The following BPNT2 variants were observed in gnomAD, a reference collection of about 807,000 sequenced individuals.
The protein encoded by BPNT2 is 3'(2'), 5'-bisphosphate nucleotidase 2.
A neutral mutation model predicts 29.3 loss-of-function variants in BPNT2; 11 were observed. The ratio of observed to expected loss-of-function variants is 0.38; its 90% CI spans 0.24 to 0.62. The LOEUF is 0.62. Ranked by LOEUF, BPNT2 falls within the 20% of genes least tolerant of loss-of-function variation. The probability of loss-of-function intolerance (pLI) is 0.62; values close to 1 mark genes in which losing one functional copy is unlikely to be tolerated. For missense variants in BPNT2, 459 were observed against 473.4 expected, an observed-to-expected ratio of 0.97 and a Z score of 0.28; for synonymous variants, 195 against 187.7, an observed-to-expected ratio of 1.04 and a Z score of -0.32.
intron 3 of BPNT2, among the ~76,000 whole-genome samples, chr8:56,976,193 G>T (rs745798866): frequency 4.9e-4 from 75 of 152,150 alleles, no homozygotes; most frequent in Non-Finnish European, 7.1e-4. Context: ...AAATACAGCT[G>T]AAGTGGTGAG....
Position 56,980,032 on chromosome 8 carries a change from T to G in BPNT2, c.550+3A>C. On this transcript the variant is annotated splice_donor_region_variant and intron_variant, in intron 2 of 4. Transcript: ENST00000262644. ...AATGTTTTGAGTTCAGTTTAAAAAT[T>G]ACCTGTATATTCCTGTGTAGCATCA... 2 of 1,613,596 alleles carry G rather than the reference T, an allele frequency of 1.2e-6. No homozygotes were observed. Among genetic ancestry groups the G allele is most frequent in the Non-Finnish European group, 1.7e-6 (2 of 1,179,756 alleles).
chr8:56,962,926 A>G lies in BPNT2; in HGVS notation c.*867T>C, dbSNP rs2129203101. 1 of 152,358 alleles carries G rather than the reference A, an allele frequency of 6.6e-6. No homozygotes were observed. The highest frequency in any genetic ancestry group is 1.9e-4 in the East Asian group (1 of 5,192). 9.4% of individuals were successfully genotyped at this position (152,358 alleles called of 1,614,324 possible). A position where few individuals can be genotyped will look rare whatever the true frequency, so the allele number is the denominator to read the frequency against. ...CATTTATATTCTTATAGTGCCTTAC[A>G]GCATATTTTATCGTTAATGAGAAAA... On this transcript the variant is annotated 3_prime_UTR_variant, in exon 5 of 5. Coordinates refer to ENST00000262644, the MANE Select transcript of BPNT2 (RefSeq NM_017813.5).
chr8:56,978,664 T>TAAA (rs571630819), intron 2 of BPNT2, among the ~76,000 whole-genome samples: 1 of 144,052 alleles, frequency 6.9e-6, no homozygotes, highest in African/African-American at 2.5e-5. Context: ...ATAGACCAGG[T>TAAA]AAAAAAAAAA....
intron 3 of BPNT2, chr8:56,967,049 A>G: frequency 2.4e-6 from 1 of 416,188 alleles, no homozygotes; most frequent in Non-Finnish European, 4.8e-6. Context: ...GCTTCAGATG[A>G]TTTTCCTGGT....
intron 3 of BPNT2, 121 bp downstream of exon 3, chr8:56,977,929 T>C: frequency 1.4e-6 from 1 of 738,760 alleles, no homozygotes; most frequent in Non-Finnish European, 2.4e-6. Context: ...TGTGTTTTTT[T>C]CTTACAGCAG....
Position 56,980,092 on chromosome 8 carries a change from G to A in BPNT2, c.493C>T (p.Pro165Ser), listed in dbSNP as rs755239746. The change falls in exon 2 of 5, where the codon CCA becomes TCA. Residue 165 changes from proline (P) to serine (S), a missense_variant. By Grantham distance (74) the Pro-to-Ser change is moderately conservative. Coordinates refer to ENST00000262644, the MANE Select transcript of BPNT2 (RefSeq NM_017813.5). ...ATCCAGACAGTAACACTTTCTGCTGGTACCTCTTTAGGAGTAGTTACTTCC... is the reference window on the plus strand; with the variant it reads ...ATCCAGACAGTAACACTTTCTGCTGATACCTCTTTAGGAGTAGTTACTTCC... ...LKEVTTPKEV[P>S]AESVTVWIDP... 7 of 1,613,522 alleles carry A rather than the reference G, an allele frequency of 4.3e-6. No individual in the cohort carries two copies. The highest frequency in any genetic ancestry group is 5.9e-6 in the Non-Finnish European group (7 of 1,179,710).
chr8:56,978,173 C>T, intron 2 of BPNT2, 28 bp from the exon 3 acceptor site: 2 of 1,341,406 alleles, frequency 1.5e-6, no homozygotes, highest in African/African-American at 1.4e-5. Flanking sequence ...AAACAACACA[C>T]ACAAATGTCA....
At chr8:56,966,981 A>G (rs1423799364) in intron 3 of BPNT2, 1 of 349,944 alleles carries the variant, frequency 2.9e-6, no homozygotes, top group African/African-American at 2.1e-5. Context: ...ATTAAAGAAA[A>G]AGCCTTAGAT....
chr8:56,969,343 C>T (rs1805996795), intron 3 of BPNT2, among the ~76,000 whole-genome samples: 1 of 152,168 alleles, frequency 6.6e-6, no homozygotes, highest in Non-Finnish European at 1.5e-5. Context: ...TGAGTTAGCT[C>T]TTCTAAGGTA....
rs1367725145 is a variant in BPNT2 at position 56,971,789 on chromosome 8, C to A, written c.647-5437G>T. ...CTGAAATAATTTTGTACCACCCCCC[C>A]CCCCACAATGCTACTGTGTGGGCCC... On this transcript the variant is annotated intron_variant, in intron 3 of 4. Transcript: ENST00000262644. Among the ~76,000 whole-genome samples, 8 of 142,204 alleles carry A rather than the reference C, an allele frequency of 5.6e-5. 1 individual carries two copies. The East Asian group carries it at 1.0e-3, about 18-fold the overall frequency. 93.3% of individuals were successfully genotyped at this position (142,204 alleles called of 152,430 possible).
In BPNT2 at chr8:56,959,442, A is replaced by C. The variant is rs1204923706; in HGVS notation, c.*4351T>G. ...TTCTTCTTGCCCTCTCAGAACTGCC[A>C]ATCAATTAGAATCCTCTCCCCCAGG... On this transcript the variant is annotated 3_prime_UTR_variant, in exon 5 of 5. Transcript: ENST00000262644. The C allele has an allele frequency of 6.6e-6, 1 of 152,206 alleles. No homozygotes were observed. The highest frequency in any genetic ancestry group is 1.9e-4 in the East Asian group (1 of 5,196). 9.4% of individuals were successfully genotyped at this position (152,206 alleles called of 1,614,324 possible).
At chr8:56,966,496 CT>C (rs995386306) in intron 3 of BPNT2, 144 bp from the exon 4 acceptor site, 73 of 712,708 alleles carry the variant, frequency 1.0e-4, no homozygotes, top group Middle Eastern at 3.1e-4. Flanking sequence ...AAACAGAAAG[CT>C]TTTTTTTTCA....
intron 1 of BPNT2, among the ~76,000 whole-genome samples, chr8:56,988,487 C>T (rs1327677500): frequency 6.6e-6 from 1 of 152,184 alleles, no homozygotes; most frequent in Non-Finnish European, 1.5e-5. Context: ...GTAAAACAAA[C>T]TTAGTACAGT....
At chr8:56,974,633 C>T (rs914089648) in intron 3 of BPNT2, among the ~76,000 whole-genome samples, 2 of 152,232 alleles carry the variant, frequency 1.3e-5, no homozygotes, top group South Asian at 2.1e-4. Context: ...TAATTCTAAA[C>T]GTATTGATTA....
intron 2 of BPNT2, 128 bp from the exon 3 acceptor site, chr8:56,978,273 C>G (rs774326153): frequency 7.0e-6 from 5 of 716,550 alleles, no homozygotes; most frequent in Non-Finnish European, 1.2e-5. Context: ...AACAACAATC[C>G]CTTCAAGCAA....
chr8:56,963,772 G>A lies in BPNT2; in HGVS notation c.*21C>T. 6.2e-7 allele frequency: 1 copy of A among 1,613,646 alleles called. No individual in the cohort carries two copies. The highest frequency in any genetic ancestry group is 1.1e-5 in the South Asian group (1 of 91,070). ...CTAACCATTTCAGCTGTGAAGAACT[G>A]TACCCTGTAATCAGTTATGCTCATT... On this transcript the variant is annotated 3_prime_UTR_variant, in exon 5 of 5. Coordinates refer to ENST00000262644, the MANE Select transcript of BPNT2 (RefSeq NM_017813.5).
At chr8:56,979,499 T>C (rs965690219) in intron 2 of BPNT2, among the ~76,000 whole-genome samples, 37 of 152,208 alleles carry the variant, frequency 2.4e-4, no homozygotes, top group Non-Finnish European at 7.3e-5. Flanking sequence ...GTATTGATTG[T>C]TATGGTTCAA....
rs1328422325 is a variant in BPNT2, at chr8:56,958,080, A to G, written c.*5713T>C. 1 of 152,088 alleles carries G rather than the reference A, an allele frequency of 6.6e-6. No homozygotes were observed. Among genetic ancestry groups the G allele is most frequent in the Non-Finnish European group, 1.5e-5 (1 of 67,996 alleles). 9.4% of individuals were successfully genotyped at this position (152,088 alleles called of 1,614,324 possible). On this transcript the variant is annotated 3_prime_UTR_variant, in exon 5 of 5. Coordinates refer to ENST00000262644, the MANE Select transcript of BPNT2 (RefSeq NM_017813.5). Reference sequence around the variant, plus strand: ...GGGTAGTATCTGAAGGAAAGGCAAAACTTTTAAAAACAATTTAGTATGTGG... The same window carrying G: ...GGGTAGTATCTGAAGGAAAGGCAAAGCTTTTAAAAACAATTTAGTATGTGG...
intron 4 of BPNT2, chr8:56,964,308 T>C: frequency 2.9e-6 from 1 of 349,990 alleles, no homozygotes; most frequent in South Asian, 3.3e-5. Context: ...ATTTATTTAT[T>C]TATTTTTTGA....
Sources: allele counts gnomAD v4.1 joint callset (sites outside exome capture counted in the v4.1 genomes callset), GRCh38; gene constraint gnomAD v4.1.1; transcripts MANE v1.5; gene names NCBI Gene and HGNC (gene_info 2026-07-23, HGNC 2026-07-21).